EIF4G3: variants seen among roughly 807,000 people sequenced by gnomAD.
EIF4G3 encodes eukaryotic translation initiation factor 4 gamma 3.
A neutral mutation model predicts 186.4 loss-of-function variants in EIF4G3; 34 were observed. That is an observed-to-expected ratio of 0.18 (90% CI 0.14 to 0.24). The LOEUF is 0.24. Among genes scored for constraint, EIF4G3 ranks in the 10% least tolerant of loss-of-function variants. The pLI, the probability that EIF4G3 is intolerant of heterozygous loss-of-function variation, is 1.00. For missense variants in EIF4G3, 1,536 were observed against 1,948.5 expected, an observed-to-expected ratio of 0.79 and a Z score of 3.99; for synonymous variants, 673 against 679.5, an observed-to-expected ratio of 0.99 and a Z score of 0.15.
intron 17 of EIF4G3, among the ~76,000 whole-genome samples, chr1:20,895,150 A>C (rs1360361672): frequency 1.3e-5 from 2 of 152,196 alleles, no homozygotes; most frequent in African/African-American, 4.8e-5. Flanking sequence ...ATTAAAAAAA[A>C]CCACCACTCC....
At chr1:20,908,443 A>G (rs1558182718) in intron 14 of EIF4G3, among the ~76,000 whole-genome samples, 2 of 152,272 alleles carry the variant, frequency 1.3e-5, no homozygotes, top group Admixed American at 6.5e-5. Flanking sequence ...TCTTCTCTCT[A>G]TGTAAGTTTT....
intron 12 of EIF4G3, among the ~76,000 whole-genome samples, chr1:20,961,269 G>A (rs537635861): frequency 6.6e-6 from 1 of 152,222 alleles, no homozygotes; most frequent in South Asian, 2.1e-4. Context: ...TGTAATCCCA[G>A]CTACTCGGGA....
chr1:20,863,592 G>C (rs1557976195), intron 22 of EIF4G3, among the ~76,000 whole-genome samples: 2 of 151,754 alleles, frequency 1.3e-5, no homozygotes, highest in Non-Finnish European at 2.9e-5. Context: ...TTACAGGCAT[G>C]CGCCACCATG....
intron 24 of EIF4G3, among the ~76,000 whole-genome samples, chr1:20,857,703 C>T (rs946949267): frequency 6.6e-6 from 1 of 152,190 alleles, no homozygotes; most frequent in African/African-American, 2.4e-5. Context: ...AGAAGCACTG[C>T]TTATTTTGGA....
intron 30 of EIF4G3, among the ~76,000 whole-genome samples, chr1:20,830,468 CT>C (rs2064834997): frequency 6.6e-6 from 1 of 152,266 alleles, no homozygotes; most frequent in African/African-American, 2.4e-5. Flanking sequence ...TGCAGGTTCT[CT>C]CATTATGTGC....
At chr1:21,114,409 G>A (rs761690698) in intron 2 of EIF4G3, among the ~76,000 whole-genome samples, 4 of 152,148 alleles carry the variant, frequency 2.6e-5, no homozygotes, top group Admixed American at 6.6e-5. Flanking sequence ...GATTACAGGC[G>A]TGAGCCACCG....
At chr1:21,172,237 G>A (rs888759083) in intron 2 of EIF4G3, among the ~76,000 whole-genome samples, 3 of 151,882 alleles carry the variant, frequency 2.0e-5, no homozygotes, top group African/African-American at 7.3e-5. Flanking sequence ...GTAAACCTGG[G>A]TTAATTCTTA....
chr1:20,958,935 T>G (rs550441010), intron 12 of EIF4G3, among the ~76,000 whole-genome samples: 1 of 152,058 alleles, frequency 6.6e-6, no homozygotes, highest in Non-Finnish European at 1.5e-5. Context: ...CCCATAATCA[T>G]AGACTGGAAG....
chr1:21,118,317 A>G (rs914233534), intron 2 of EIF4G3, among the ~76,000 whole-genome samples: 7 of 152,112 alleles, frequency 4.6e-5, no homozygotes, highest in Non-Finnish European at 8.8e-5. Context: ...TATTTTCCTC[A>G]TTGCCATAAC....
chr1:21,092,932 C>T (rs1200073747), intron 2 of EIF4G3, among the ~76,000 whole-genome samples: 6 of 152,274 alleles, frequency 3.9e-5, no homozygotes, highest in Middle Eastern at 3.4e-3. Context: ...TTCCTTACAC[C>T]TTACACAAAA....
intron 4 of EIF4G3, among the ~76,000 whole-genome samples, chr1:21,031,384 C>CAAAA (rs35183246): frequency 1.4e-5 from 1 of 73,402 alleles, no homozygotes; most frequent in Non-Finnish European, 3.0e-5. Flanking sequence ...GGAATGATGG[C>CAAAA]AAAAAAAAAA....
intron 4 of EIF4G3, among the ~76,000 whole-genome samples, chr1:21,017,649 A>G (rs1200231681): frequency 7.3e-5 from 11 of 150,460 alleles, no homozygotes; most frequent in African/African-American, 1.2e-4. Context: ...AAAAAAAAAA[A>G]AAAAAGAAGT....
intron 2 of EIF4G3, among the ~76,000 whole-genome samples, chr1:21,151,307 C>T (rs1310300296): frequency 2.9e-5 from 4 of 136,790 alleles, no homozygotes; most frequent in African/African-American, 8.3e-5. Flanking sequence ...GGCACGATCT[C>T]GGCTCACTGC....
chr1:21,053,885 C>G (rs1377144912), intron 3 of EIF4G3, among the ~76,000 whole-genome samples: 12 of 133,272 alleles, frequency 9.0e-5, no homozygotes, highest in South Asian at 2.5e-4. Context: ...GCCCCGTCTG[C>G]GAGGTGAGGG....
rs186669345 is a variant in EIF4G3, at chr1:20,898,891, C to T, written c.1999+806G>A. ...AATTACAGGCATGTGCCACCACGCCCAGCTTATTTTGTATTTTTAGTCGAG... is the reference window on the plus strand; with the variant it reads ...AATTACAGGCATGTGCCACCACGCCTAGCTTATTTTGTATTTTTAGTCGAG... On this transcript the variant is annotated intron_variant, in intron 16 of 36. Transcript: ENST00000602326. 1.5e-4 allele frequency among the ~76,000 whole-genome samples: 23 copies of T among 152,262 alleles called. No individual in the cohort carries two copies. In the East Asian group the frequency reaches 4.3e-3, roughly 28 times the overall value.
intron 30 of EIF4G3, among the ~76,000 whole-genome samples, chr1:20,833,886 G>A (rs947915028): frequency 3.9e-5 from 6 of 152,032 alleles, no homozygotes; most frequent in Non-Finnish European, 8.8e-5. Context: ...CTTTGAAAAC[G>A]GGCACAAGAC....
intron 30 of EIF4G3, among the ~76,000 whole-genome samples, chr1:20,834,961 G>A (rs1048170261): frequency 1.3e-5 from 2 of 152,196 alleles, no homozygotes; most frequent in African/African-American, 4.8e-5. Context: ...CTCCCCAATA[G>A]ATCATATGTT....
chr1:20,854,896 T>A, intron 26 of EIF4G3, 82 bp downstream of exon 26: 1 of 1,161,960 alleles, frequency 8.6e-7, no homozygotes, highest in Non-Finnish European at 1.3e-6. Context: ...CCAAAAACCA[T>A]CATTCGATGA....
At chr1:21,102,193 G>T (rs1403282977) in intron 2 of EIF4G3, among the ~76,000 whole-genome samples, 1 of 152,200 alleles carries the variant, frequency 6.6e-6, no homozygotes, top group African/African-American at 2.4e-5. Flanking sequence ...GCTCATGTCT[G>T]TAATCCCACC....
Sources: allele counts gnomAD v4.1 joint callset (sites outside exome capture counted in the v4.1 genomes callset), GRCh38; gene constraint gnomAD v4.1.1; transcripts MANE v1.5; gene names NCBI Gene and HGNC (gene_info 2026-07-23, HGNC 2026-07-21).